Variants in PLPP7 observed in about 807,000 individuals in gnomAD.
PLPP7 encodes the protein inactive phospholipid phosphatase 7.
A neutral mutation model predicts 16.9 loss-of-function variants in PLPP7; 11 were observed. The ratio of observed to expected loss-of-function variants is 0.65; its 90% confidence interval spans 0.41 to 1.08. The LOEUF is 1.08. Ranked by LOEUF, PLPP7 falls within the 50% of genes least tolerant of loss-of-function variation. The probability of loss-of-function intolerance (pLI) is 0.00; values close to 1 mark genes in which losing one functional copy is unlikely to be tolerated. For missense variants in PLPP7, 358 were observed against 397.1 expected (o/e 0.90, Z 0.84); for synonymous variants, 174 against 175.1 (o/e 0.99, Z 0.05).
At chr9:131,303,130 A>C (rs1183880283) in intron 1 of PLPP7, among the ~76,000 whole-genome samples, 1 of 152,148 alleles carries the variant, frequency 6.6e-6, no homozygotes, top group East Asian at 1.9e-4. Flanking sequence ...TCGGGAGTTC[A>C]AGACCAGGCT....
At chr9:131,299,973 A>T (rs1835778575) in intron 1 of PLPP7, among the ~76,000 whole-genome samples, 2 of 152,224 alleles carry the variant, frequency 1.3e-5, no homozygotes, top group Admixed American at 6.5e-5. Context: ...GAAGAGAGGG[A>T]ACCAGCCTGA....
In PLPP7 at chr9:131,290,329, C is replaced by G; in HGVS notation, c.332C>G (p.Ser111Cys). 7 of 1,611,510 alleles carry G rather than the reference C, an allele frequency of 4.3e-6. No individual in the cohort carries two copies. The highest frequency in any genetic ancestry group is 5.9e-6 in the Non-Finnish European group (7 of 1,179,030). The change falls in exon 1 of 2, where the codon TCC becomes TGC. Residue 111 changes from serine (S) to cysteine (C), a missense_variant. Transcript: ENST00000372264. The surrounding 1 kb of genome is among the most constrained non-coding windows in gnomAD (Gnocchi z 4.2). Reference sequence around the variant, plus strand: ...GCGGCGTCCTGGGCCAGTGCCCGCTCCATGGTCAAGCTCATCGGCATCACG... The same window carrying G: ...GCGGCGTCCTGGGCCAGTGCCCGCTGCATGGTCAAGCTCATCGGCATCACG... ...GRAASWASAR[S>C]MVKLIGITGH...
chr9:131,300,689 G>GAAAAAAAAA (rs1165239833), intron 1 of PLPP7, among the ~76,000 whole-genome samples: 2 of 40,358 alleles, frequency 5.0e-5, no homozygotes, highest in Admixed American at 2.6e-4. Context: ...CTCAAAAGCA[G>GAAAAAAAAA]AAAAAAAAAA....
chr9:131,291,521 A>G, intron 1 of PLPP7: 1 of 384,414 alleles, frequency 2.6e-6, no homozygotes, highest in Non-Finnish European at 3.6e-6. Flanking sequence ...CATGCAGGAG[A>G]TGGCTGGGTC....
chr9:131,294,113 C>A (rs920153491), intron 1 of PLPP7, among the ~76,000 whole-genome samples: 1 of 152,154 alleles, frequency 6.6e-6, no homozygotes, highest in Non-Finnish European at 1.5e-5. Flanking sequence ...CCCTGCTTGC[C>A]CCTCTCCTAG....
At chr9:131,292,588 A>AGGAGAG (rs922603261) in intron 1 of PLPP7, among the ~76,000 whole-genome samples, 11 of 152,248 alleles carry the variant, frequency 7.2e-5, no homozygotes, top group African/African-American at 2.6e-4. Context: ...GCGTTTTCAG[A>AGGAGAG]GGAGAGGGAG....
Position 131,290,209 on chromosome 9 carries a change from T to G in PLPP7, c.212T>G (p.Met71Arg), listed in dbSNP as rs1394784893. 1 of 1,603,834 alleles carries G rather than the reference T, an allele frequency of 6.2e-7. No homozygotes were observed. Among genetic ancestry groups the G allele is most frequent in the Non-Finnish European group, 8.5e-7 (1 of 1,174,220 alleles). The change falls in exon 1 of 2, where the codon ATG becomes AGG. Residue 71 changes from methionine to arginine, a missense_variant. Coordinates refer to ENST00000372264, the MANE Select transcript of PLPP7 (RefSeq NM_032728.4). The surrounding 1 kb of genome is among the most constrained non-coding windows in gnomAD (Gnocchi z 4.2). The part of the protein sequence containing the change: ...QSQQLPEEDC[M>R]QLNPSFKGIA... The stretch of plus-strand genomic sequence containing the variant: ...CAGCAGCTGCCAGAGGAGGACTGCA[T>G]GCAGCTGAACCCCTCCTTCAAGGGC...
intron 1 of PLPP7, among the ~76,000 whole-genome samples, chr9:131,301,797 G>C (rs1479141127): frequency 6.7e-6 from 1 of 149,890 alleles, no homozygotes; most frequent in Non-Finnish European, 1.5e-5. Flanking sequence ...GGCGCTGAGA[G>C]GGGAAGGAAC....
chr9:131,303,663 C>T (rs1835823251), intron 1 of PLPP7, among the ~76,000 whole-genome samples: 1 of 152,162 alleles, frequency 6.6e-6, no homozygotes, highest in Non-Finnish European at 1.5e-5. Flanking sequence ...GGGACCAACT[C>T]AATCATTTGC....
rs918142008 is a variant in PLPP7 at position 131,291,917 on chromosome 9, A to G, written c.451+1469A>G. ...TTCTTATTACTAAATTATTTACATT[A>G]CAATAACTTATGATTTACTCCTGAA... On this transcript the variant is annotated intron_variant, in intron 1 of 1. Transcript: ENST00000372264. 2.6e-5 allele frequency among the ~76,000 whole-genome samples: 4 copies of G among 152,228 alleles called. No homozygotes were observed. The South Asian group carries it at 6.2e-4, about 24-fold the overall frequency.
Position 131,289,981 on chromosome 9 carries a change from G to T in PLPP7, c.-17G>T, listed in dbSNP as rs7029366. 8 of 1,419,900 alleles carry T rather than the reference G, an allele frequency of 5.6e-6. No homozygotes were observed. The highest frequency in any genetic ancestry group is 2.6e-5 in the East Asian group (1 of 37,888). 88.0% of individuals were successfully genotyped at this position (1,419,900 alleles called of 1,614,324 possible). On this transcript the variant is annotated 5_prime_UTR_variant, in exon 1 of 2. Coordinates refer to ENST00000372264, the MANE Select transcript of PLPP7 (RefSeq NM_032728.4). ...AGCCGGGCTGGCATCGGCCTTCTCG[G>T]GGTGAGCGAGGTCACCATGCCAGCT...
At chr9:131,299,680 G>A (rs974283962) in intron 1 of PLPP7, among the ~76,000 whole-genome samples, 1 of 152,116 alleles carries the variant, frequency 6.6e-6, no homozygotes, top group Admixed American at 6.5e-5. Context: ...GAAAAGCCAC[G>A]CACCCCGTCA....
In PLPP7 at chr9:131,308,767, G is replaced by A. The variant is rs73656114; in HGVS notation, c.*480G>A. On this transcript the variant is annotated 3_prime_UTR_variant, in exon 2 of 2. Coordinates refer to ENST00000372264, the MANE Select transcript of PLPP7 (RefSeq NM_032728.4). ...ACAGCTTAGGGCAGCACTTTCCAAC[G>A]GGTGCCCATGGGACACCAGCCTGCG... is the stretch of plus-strand genomic sequence containing the variant. 0.023 allele frequency: 3,633 copies of A among 156,768 alleles called. 118 individuals carry two copies. Among genetic ancestry groups the A allele is most frequent in the African/African-American group, 0.083 (3,440 of 41,626 alleles). The allele number at this position is 156,768 out of a possible 1,614,324, so 9.7% of individuals were successfully genotyped here.
At chr9:131,297,643 C>T (rs1015263932) in intron 1 of PLPP7, among the ~76,000 whole-genome samples, 2 of 152,182 alleles carry the variant, frequency 1.3e-5, no homozygotes, top group Non-Finnish European at 2.9e-5. Context: ...GCCACCGCCT[C>T]CCAAAGTGCT....
In PLPP7 at chr9:131,307,973, C is replaced by T. The variant is rs963332839; in HGVS notation, c.502C>T (p.Arg168Trp). 14 of 1,598,592 alleles carry T rather than the reference C, an allele frequency of 8.8e-6. No homozygotes were observed. Among genetic ancestry groups the T allele is most frequent in the Admixed American group, 1.7e-5 (1 of 59,918 alleles). Residue 168 changes from arginine to tryptophan, a missense_variant, in exon 2 of 2, where the codon CGG (arginine) becomes TGG (tryptophan). Coordinates refer to ENST00000372264, the MANE Select transcript of PLPP7 (RefSeq NM_032728.4). The part of the protein sequence containing the change: ...TVAGVQKLIK[R>W]RGPYETSPSL... ...GGCCGGCGTGCAGAAGCTCATCAAG[C>T]GGCGCGGCCCGTACGAGACGAGCCC...
At position 131,290,247 on chromosome 9, in the gene PLPP7, TC is replaced by T. The variant is rs1196764279; in HGVS notation, c.253del (p.Leu85CysfsTer50). On this transcript the variant is annotated frameshift_variant, in exon 1 of 2. Coordinates refer to ENST00000372264, the MANE Select transcript of PLPP7 (RefSeq NM_032728.4). LOFTEE classifies it high-confidence loss of function. The surrounding 1 kb of genome is among the most constrained non-coding windows in gnomAD (Gnocchi z 4.2). ...CTCCTTCAAGGGCATCGCCTTCAACTCCCTGCTGGCCATCGATATCTGTATG... is the reference window on the plus strand; with the variant it reads ...CTCCTTCAAGGGCATCGCCTTCAACTCCTGCTGGCCATCGATATCTGTATG... ...NPSFKGIAFN[S>X]LLAIDICMSK... The T allele has an allele frequency of 2.5e-5, 40 of 1,611,224 alleles. No individual in the cohort carries two copies. The highest frequency in any genetic ancestry group is 3.3e-5 in the Non-Finnish European group (39 of 1,178,500).
chr9:131,296,577 A>C (rs1395880431), intron 1 of PLPP7, among the ~76,000 whole-genome samples: 1 of 152,158 alleles, frequency 6.6e-6, no homozygotes, highest in Non-Finnish European at 1.5e-5. Flanking sequence ...AGTAAGAAAA[A>C]ATGCAATGAT....
At chr9:131,303,535 A>G (rs556146668) in intron 1 of PLPP7, among the ~76,000 whole-genome samples, 1 of 148,342 alleles carries the variant, frequency 6.7e-6, no homozygotes, top group Non-Finnish European at 1.5e-5. Flanking sequence ...AGAGCTGAAC[A>G]TTCCGATAAA....
chr9:131,301,840 G>A (rs1253791831), intron 1 of PLPP7, among the ~76,000 whole-genome samples: 4 of 146,512 alleles, frequency 2.7e-5, no homozygotes, highest in African/African-American at 5.1e-5. Context: ...TTTTTGAGAC[G>A]GAGTCTCGCC....
Sources: allele counts gnomAD v4.1 joint callset (sites outside exome capture counted in the v4.1 genomes callset), GRCh38; gene constraint gnomAD v4.1.1; non-coding constraint Gnocchi (gnomAD v3.1); transcripts MANE v1.5; gene names NCBI Gene and HGNC (gene_info 2026-07-23, HGNC 2026-07-21).